ADAMTS2: variants seen among roughly 807,000 people sequenced by gnomAD.
The protein encoded by ADAMTS2 is A disintegrin and metalloproteinase with thrombospondin motifs 2.
In ADAMTS2, 50 loss-of-function variants were observed where a neutral mutation model predicts 123.0. The observed-to-expected ratio is 0.41, with a 90% CI of 0.32 to 0.51. The LOEUF is 0.51. ADAMTS2 is among the 20% of genes least tolerant of loss of function. The pLI is 0.35. For synonymous variants in ADAMTS2, 678 were observed against 695.4 expected (o/e 0.98, Z 0.39); for missense variants, 1,494 against 1,705.2 (o/e 0.88, Z 2.18).
chr5:179,222,960 T>TTCCTGGACC (rs1170089599), intron 3 of ADAMTS2, among the ~76,000 whole-genome samples: 1 of 152,226 alleles, frequency 6.6e-6, no homozygotes, highest in Non-Finnish European at 1.5e-5. Context: ...CTCCCCCTGC[T>TTCCTGGACC]TCCAGGTCCA....
At chr5:179,138,027 G>C in intron 11 of ADAMTS2, 83 bp from the exon 12 acceptor site, 1 of 1,468,460 alleles carries the variant, frequency 6.8e-7, no homozygotes, top group South Asian at 1.2e-5. Flanking sequence ...TCTTTTTAGG[G>C]GGGATCCCTA....
intron 7 of ADAMTS2, 82 bp from the exon 8 acceptor site, chr5:179,154,274 C>A: frequency 9.2e-6 from 14 of 1,519,296 alleles, no homozygotes; most frequent in Non-Finnish European, 1.2e-5. Context: ...TAGGAGGGTG[C>A]CCCATCTTTC....
chr5:179,335,374 A>G (rs1757588836), intron 2 of ADAMTS2, among the ~76,000 whole-genome samples: 1 of 152,224 alleles, frequency 6.6e-6, no homozygotes, highest in Admixed American at 6.5e-5. Flanking sequence ...AATCCAATGT[A>G]TATTTTATAC....
At chr5:179,301,829 C>T (rs2457100) in intron 2 of ADAMTS2, among the ~76,000 whole-genome samples, 75,444 of 152,260 alleles carry the variant, frequency 0.5, 19,267 homozygotes, top group Non-Finnish European at 0.56. Flanking sequence ...TCTCATCCAG[C>T]GTGTGAAGAA....
At position 179,188,910 on chromosome 5, in the gene ADAMTS2, G is replaced by A. The variant is rs1003623779; in HGVS notation, c.892-7755C>T. 6.6e-5 allele frequency among the ~76,000 whole-genome samples: 10 copies of A among 152,130 alleles called. No homozygotes were observed. The highest frequency in any genetic ancestry group is 2.1e-4 in the South Asian group (1 of 4,822). ...AGCAGGCACGTTGAGAAGACAGGTCGCATTACAAACCTTCCCGGGTTTGTA... is the reference window on the plus strand; with the variant it reads ...AGCAGGCACGTTGAGAAGACAGGTCACATTACAAACCTTCCCGGGTTTGTA... On this transcript the variant is annotated intron_variant, in intron 4 of 21. Coordinates refer to ENST00000251582, the MANE Select transcript of ADAMTS2 (RefSeq NM_014244.5). The surrounding 1 kb of genome is among the most constrained non-coding windows in gnomAD (Gnocchi z 5.1).
At chr5:179,168,817 T>C (rs192939810) in intron 5 of ADAMTS2, among the ~76,000 whole-genome samples, 6 of 152,290 alleles carry the variant, frequency 3.9e-5, no homozygotes, top group Admixed American at 3.3e-4. Flanking sequence ...GCTGGAGGTC[T>C]CTTGTTCCAG....
chr5:179,299,699 T>C (rs2113557440), intron 2 of ADAMTS2, among the ~76,000 whole-genome samples: 1 of 152,066 alleles, frequency 6.6e-6, no homozygotes, highest in East Asian at 1.9e-4. Flanking sequence ...TTTTAGAGGC[T>C]ACCCACATTC....
rs369983319 is a variant in ADAMTS2, at chr5:179,343,788, C to A, written c.513G>T (p.Ala171=). The A allele has an allele frequency of 4.0e-5, 65 of 1,611,584 alleles. No homozygotes were observed. Among genetic ancestry groups the A allele is most frequent in the Non-Finnish European group, 5.3e-5 (62 of 1,179,734 alleles). The change falls in exon 2 of 22, where the codon GCG becomes GCT. Residue 171 remains alanine, a synonymous_variant. Coordinates refer to ENST00000251582, the MANE Select transcript of ADAMTS2 (RefSeq NM_014244.5). Reference sequence around the variant, plus strand: ...TCACCAGCCCATCGCAGTTGCTGAGCGCCACAGAGGAGGCTTCGGCTAGGC... The same window carrying A: ...TCACCAGCCCATCGCAGTTGCTGAGAGCCACAGAGGAGGCTTCGGCTAGGC... ...VAGLAEASSV[A]LSNCDGLAGL... is the part of the protein sequence containing the mutation.
At chr5:179,198,819 G>A (rs538121376) in intron 4 of ADAMTS2, among the ~76,000 whole-genome samples, 2 of 150,298 alleles carry the variant, frequency 1.3e-5, no homozygotes, top group East Asian at 3.9e-4. Flanking sequence ...GGGCGACAGA[G>A]CAAGACTCTA....
chr5:179,168,742 T>C (rs1052480405), intron 5 of ADAMTS2, among the ~76,000 whole-genome samples: 72 of 152,222 alleles, frequency 4.7e-4, no homozygotes, highest in African/African-American at 1.7e-3. Flanking sequence ...GGTCCCACCA[T>C]CCCTGCTCTG....
Position 179,113,982 on chromosome 5 carries a change from A to C in ADAMTS2, c.3521T>G (p.Val1174Gly). Reference sequence around the variant, plus strand: ...TCGAGGGATTAGGTTGGGTGGCTGGACTTCATCTTCCAGGCCATGGATTTT... The same window carrying C: ...TCGAGGGATTAGGTTGGGTGGCTGGCCTTCATCTTCCAGGCCATGGATTTT... ...PYKIHGLEDE[V>G]QPPNLIPRRP... The change falls in exon 22 of 22, where the codon GTC (valine) becomes GGC (glycine). Residue 1174 changes from valine (V) to glycine (G), a missense_variant. Physicochemically the swap from Val to Gly is moderately radical, Grantham distance 109 (BLOSUM62 -3). Around this residue, in one of 6 missense-constraint regions of ADAMTS2, gnomAD observed 953 missense variants for 1,124.7 expected, o/e 0.85. Coordinates refer to ENST00000251582, the MANE Select transcript of ADAMTS2 (RefSeq NM_014244.5). 6.2e-7 allele frequency: 1 copy of C among 1,613,872 alleles called. No individual in the cohort carries two copies. Among genetic ancestry groups the C allele is most frequent in the Non-Finnish European group, 8.5e-7 (1 of 1,179,974 alleles).
intron 3 of ADAMTS2, among the ~76,000 whole-genome samples, chr5:179,257,103 G>T (rs907041193): frequency 2.0e-5 from 3 of 152,208 alleles, no homozygotes; most frequent in Non-Finnish European, 2.9e-5. Context: ...GTCACCAAGG[G>T]CCCACATTGT....
At chr5:179,316,326 G>A (rs939078974) in intron 2 of ADAMTS2, among the ~76,000 whole-genome samples, 1 of 152,218 alleles carries the variant, frequency 6.6e-6, no homozygotes, top group Admixed American at 6.5e-5. Flanking sequence ...CAGGGACAGA[G>A]GCCACACCAG....
intron 3 of ADAMTS2, among the ~76,000 whole-genome samples, chr5:179,270,621 T>C (rs1318523579): frequency 6.6e-6 from 1 of 152,136 alleles, no homozygotes; most frequent in Non-Finnish European, 1.5e-5. Flanking sequence ...CTTTTATGTA[T>C]CTCCCAGTTG....
chr5:179,192,452 G>A (rs1261598319), intron 4 of ADAMTS2, among the ~76,000 whole-genome samples: 2 of 152,236 alleles, frequency 1.3e-5, no homozygotes, highest in Non-Finnish European at 2.9e-5. Context: ...TGCACCACCA[G>A]AGTCTGTTTA....
At chr5:179,276,189 C>T (rs1021111429) in intron 2 of ADAMTS2, among the ~76,000 whole-genome samples, 2 of 152,182 alleles carry the variant, frequency 1.3e-5, no homozygotes, top group Non-Finnish European at 2.9e-5. Context: ...CAGGCCACGT[C>T]CCCCAAGGGA....
At position 179,163,546 on chromosome 5, in the gene ADAMTS2, G is replaced by A. The variant is rs533674811; in HGVS notation, c.976-4667C>T. Among the ~76,000 whole-genome samples the A allele has an allele frequency of 5.3e-5, 8 of 152,214 alleles. No homozygotes were observed. In the East Asian group the frequency reaches 5.8e-4, roughly 11 times the overall value. ...GCAGACAAAACAACGCATCCTCCCC[G>A]TCACCACTTTATTCCAGAACCCTGG... On this transcript the variant is annotated intron_variant, in intron 5 of 21. Coordinates refer to ENST00000251582, the MANE Select transcript of ADAMTS2 (RefSeq NM_014244.5).
intron 2 of ADAMTS2, among the ~76,000 whole-genome samples, chr5:179,316,084 C>T: frequency 6.6e-6 from 1 of 152,296 alleles, no homozygotes; most frequent in East Asian, 1.9e-4. Context: ...AGAGAAAGTT[C>T]AAAAGCTCCC....
At chr5:179,293,029 G>A (rs764368751) in intron 2 of ADAMTS2, among the ~76,000 whole-genome samples, 1 of 152,220 alleles carries the variant, frequency 6.6e-6, no homozygotes, top group Non-Finnish European at 1.5e-5. Context: ...GTTGGGGGGA[G>A]AGGGTGGGAA....
Sources: allele counts gnomAD v4.1 joint callset (sites outside exome capture counted in the v4.1 genomes callset), GRCh38; gene constraint gnomAD v4.1.1; regional missense constraint gnomAD v4.1.1; non-coding constraint Gnocchi (gnomAD v3.1); transcripts MANE v1.5; gene names NCBI Gene and HGNC (gene_info 2026-07-23, HGNC 2026-07-21).